Variants in CNTNAP2 observed in about 807,000 individuals in gnomAD.
CNTNAP2 encodes the protein contactin associated protein 2, also known as contactin-associated protein-like 2.
CNTNAP2 carries 98 observed loss-of-function variants against 155.2 expected under a neutral mutation model. That is an observed-to-expected ratio of 0.63 (90% CI 0.54 to 0.75). CNTNAP2 has a LOEUF of 0.75. Ranked by LOEUF, CNTNAP2 falls within the 30% of genes least tolerant of loss-of-function variation. The pLI is 0.00. For synonymous variants in CNTNAP2, 651 were observed against 631.2 expected, an observed-to-expected ratio of 1.03 and a Z score of -0.47; for missense variants, 1,727 against 1,688.1, an observed-to-expected ratio of 1.02 and a Z score of -0.40.
chr7:147,252,768 T>C (rs1804228173), intron 8 of CNTNAP2, among the ~76,000 whole-genome samples: 1 of 152,194 alleles, frequency 6.6e-6, no homozygotes, highest in African/African-American at 2.4e-5. Context: ...CTGTTATGTA[T>C]GCTTTATGCA....
intron 12 of CNTNAP2, among the ~76,000 whole-genome samples, chr7:147,601,673 A>G (rs1800949638): frequency 6.8e-6 from 1 of 146,854 alleles, no homozygotes; most frequent in Non-Finnish European, 1.5e-5. Flanking sequence ...ATATATATAT[A>G]TACACACCAT....
At chr7:146,329,282 C>G (rs540218343) in intron 1 of CNTNAP2, among the ~76,000 whole-genome samples, 3 of 152,214 alleles carry the variant, frequency 2.0e-5, no homozygotes, top group Admixed American at 6.5e-5. Flanking sequence ...TACAACCAGA[C>G]CATTTTTAAA....
chr7:146,243,421 T>C (rs2116930689), intron 1 of CNTNAP2, among the ~76,000 whole-genome samples: 1 of 152,282 alleles, frequency 6.6e-6, no homozygotes, highest in East Asian at 1.9e-4. Flanking sequence ...TATTCTTACA[T>C]TTCCAGATCT....
At chr7:148,075,571 ATTTGAACAGCTCAC>A (rs1268813436) in intron 15 of CNTNAP2, among the ~76,000 whole-genome samples, 1 of 152,216 alleles carries the variant, frequency 6.6e-6, no homozygotes, top group Non-Finnish European at 1.5e-5. Context: ...TGCAGGGCAC[ATTTGAACAGCTCAC>A]TTTCAGATAC....
chr7:147,590,861 G>C (rs10262765), intron 12 of CNTNAP2, among the ~76,000 whole-genome samples: 1 of 152,016 alleles, frequency 6.6e-6, no homozygotes, highest in African/African-American at 2.4e-5. Context: ...TTAAATGAGG[G>C]ATTGGAACAT....
chr7:147,825,006 T>G (rs1479379471), intron 13 of CNTNAP2, among the ~76,000 whole-genome samples: 1 of 152,216 alleles, frequency 6.6e-6, no homozygotes, highest in Admixed American at 6.5e-5. Flanking sequence ...TCTGAGGTAC[T>G]GGTAAATTTA....
chr7:148,383,174 C>T (rs1173884620), intron 21 of CNTNAP2, among the ~76,000 whole-genome samples: 1 of 144,576 alleles, frequency 6.9e-6, no homozygotes, highest in East Asian at 2.0e-4. Flanking sequence ...GTACAGGCTA[C>T]TAGAATTCTT....
Position 147,347,461 on chromosome 7 carries a change from T to TATATATATGCATATATATATATATGC in CNTNAP2, c.1498+47179_1498+47180insGCATATATATATATATGCATATATAT, listed in dbSNP as rs1554472699. Reference sequence around the variant, plus strand: ...ATATGCATATATATATATATGCATATATATATATATATATGCATATATATA... The same window carrying TATATATATGCATATATATATATATGC: ...ATATGCATATATATATATATGCATATATATATATGCATATATATATATATGCATATATATATATATGCATATATATA... On this transcript the variant is annotated intron_variant, in intron 9 of 23. Transcript: ENST00000361727. Among the ~76,000 whole-genome samples, 66 of 62,518 alleles carry TATATATATGCATATATATATATATGC rather than the reference T, an allele frequency of 1.1e-3. 1 individual carries two copies. The highest frequency in any genetic ancestry group is 3.1e-3 in the African/African-American group (55 of 17,816). 41.0% of individuals were successfully genotyped at this position (62,518 alleles called of 152,430 possible).
In CNTNAP2 at chr7:146,772,434, AG is replaced by A. The variant is rs370517623; in HGVS notation, c.98-1836del. On this transcript the variant is annotated intron_variant, in intron 1 of 23. Coordinates refer to ENST00000361727, the MANE Select transcript of CNTNAP2 (RefSeq NM_014141.6). ...AGCACTTTGGGAGGCCGAGGCGAGC[AG>A]ATCACGAGGTCAGGAGATCTAGACC... Among the ~76,000 whole-genome samples the A allele has an allele frequency of 6.4e-4, 97 of 151,304 alleles. 1 individual carries two copies. The highest frequency in any genetic ancestry group is 2.2e-3 in the African/African-American group (91 of 41,186).
At chr7:148,213,851 G>T (rs73170539) in intron 18 of CNTNAP2, among the ~76,000 whole-genome samples, 1 of 152,176 alleles carries the variant, frequency 6.6e-6, no homozygotes, top group Non-Finnish European at 1.5e-5. Context: ...GGTCACCTGT[G>T]CCTTGCTCAC....
intron 1 of CNTNAP2, among the ~76,000 whole-genome samples, chr7:146,449,353 C>T (rs1405857037): frequency 6.6e-6 from 1 of 152,028 alleles, no homozygotes; most frequent in East Asian, 1.9e-4. Flanking sequence ...AATTTGTGGC[C>T]CTTTTTTCCT....
intron 12 of CNTNAP2, among the ~76,000 whole-genome samples, chr7:147,581,730 C>T (rs1262754811): frequency 6.6e-6 from 1 of 152,170 alleles, no homozygotes; most frequent in Non-Finnish European, 1.5e-5. Flanking sequence ...GCAGTAACAA[C>T]ATGTACTCGG....
At chr7:146,264,451 A>G (rs1296626090) in intron 1 of CNTNAP2, among the ~76,000 whole-genome samples, 1 of 151,914 alleles carries the variant, frequency 6.6e-6, no homozygotes, top group Non-Finnish European at 1.5e-5. Flanking sequence ...ACTCCATCTG[A>G]AAAATAAAAA....
At chr7:147,653,711 C>G (rs145703492) in intron 13 of CNTNAP2, among the ~76,000 whole-genome samples, 2 of 152,120 alleles carry the variant, frequency 1.3e-5, no homozygotes, top group Non-Finnish European at 2.9e-5. Context: ...ACAGCAACAG[C>G]AACTAGAACA....
Position 147,902,501 on chromosome 7 carries a change from C to G in CNTNAP2, c.2099-1064C>G, listed in dbSNP as rs149681299. On this transcript the variant is annotated intron_variant, in intron 13 of 23. Coordinates refer to ENST00000361727, the MANE Select transcript of CNTNAP2 (RefSeq NM_014141.6). ...GGTGATTTATGAGATTTTGGTGCAC[C>G]CATCACCCAAGAAGTATACACTGAA... Among the ~76,000 whole-genome samples the G allele has an allele frequency of 9.9e-3, 1,498 of 152,010 alleles. 31 individuals are homozygous for G. The highest frequency in any genetic ancestry group is 0.034 in the African/African-American group (1,413 of 41,436).
chr7:146,717,348 T>TA (rs35996896), intron 1 of CNTNAP2, among the ~76,000 whole-genome samples: 1,996 of 119,332 alleles, frequency 0.017, 21 homozygotes, highest in South Asian at 0.043. Context: ...ACTAAAAAAT[T>TA]AAAAAAAAAA....
intron 13 of CNTNAP2, among the ~76,000 whole-genome samples, chr7:147,649,510 AAC>A (rs1381833681): frequency 6.6e-6 from 1 of 152,286 alleles, no homozygotes; most frequent in Non-Finnish European, 1.5e-5. Flanking sequence ...ATCTTTTTTA[AAC>A]AAAGATTATA....
At chr7:148,400,811 C>A (rs1447177386) in intron 22 of CNTNAP2, among the ~76,000 whole-genome samples, 1 of 152,048 alleles carries the variant, frequency 6.6e-6, no homozygotes, top group Admixed American at 6.5e-5. Context: ...GAAACCCAAT[C>A]TCTACTAAAA....
chr7:147,913,611 A>T (rs1386296470), intron 14 of CNTNAP2, among the ~76,000 whole-genome samples: 1 of 152,242 alleles, frequency 6.6e-6, no homozygotes. Flanking sequence ...GGTTTCTAAC[A>T]TCAGTCTGGA....
Sources: gnomAD v4.1 joint callset for allele counts (sites outside exome capture counted in the v4.1 genomes callset) on GRCh38, gnomAD v4.1.1 for gene constraint, MANE v1.5 for transcripts, NCBI Gene and HGNC (gene_info 2026-07-23, HGNC 2026-07-21) for gene names.